LRRK1: variants seen among roughly 807,000 people sequenced by gnomAD.
The protein encoded by LRRK1 is leucine-rich repeat serine/threonine-protein kinase 1.
Under a neutral mutation model 209.1 loss-of-function variants are expected in LRRK1, and 113 were observed. The ratio of observed to expected loss-of-function variants is 0.54; its 90% CI spans 0.46 to 0.63. The LOEUF is 0.63. Ranked by LOEUF, LRRK1 falls within the 30% of genes least tolerant of loss-of-function variation. The pLI, the probability that LRRK1 is intolerant of heterozygous loss-of-function variation, is 0.00. For synonymous variants in LRRK1, 1,144 were observed against 1,099.7 expected (o/e 1.04, Z -0.80); for missense variants, 2,284 against 2,632.2 (o/e 0.87, Z 2.89).
chr15:101,058,353 G>A (rs1369133939), intron 29 of LRRK1, among the ~76,000 whole-genome samples: 1 of 152,076 alleles, frequency 6.6e-6, no homozygotes, highest in Non-Finnish European at 1.5e-5. Context: ...GTTAAGAGAT[G>A]CCAAAAATGG....
intron 10 of LRRK1, among the ~76,000 whole-genome samples, chr15:101,012,712 C>A (rs1025974539): frequency 6.6e-6 from 1 of 152,180 alleles, no homozygotes. Context: ...CACGGGCACT[C>A]CTCCAAGGCC....
Position 100,948,680 on chromosome 15 carries a change from G to C in LRRK1, c.97+23951G>C, listed in dbSNP as rs922092400. The stretch of plus-strand genomic sequence containing the variant: ...ATGGAAATCATACAAAATATATTCG[G>C]TGACCACAATAGAAAGAAGTTAGAA... On this transcript the variant is annotated intron_variant, in intron 2 of 33. Coordinates refer to ENST00000388948, the MANE Select transcript of LRRK1 (RefSeq NM_024652.6). Among the ~76,000 whole-genome samples, 3 of 152,114 alleles carry C rather than the reference G, an allele frequency of 2.0e-5. No individual in the cohort carries two copies. In the East Asian group the frequency reaches 5.8e-4, roughly 29 times the overall value.
chr15:100,996,839 G>A (rs2032440716), intron 6 of LRRK1, among the ~76,000 whole-genome samples: 1 of 152,170 alleles, frequency 6.6e-6, no homozygotes, highest in African/African-American at 2.4e-5. Context: ...AAATGATTAA[G>A]CTAGACAGGC....
chr15:101,016,320 G>A (rs183972032), intron 12 of LRRK1, among the ~76,000 whole-genome samples: 295 of 149,282 alleles, frequency 2.0e-3, no homozygotes, highest in Non-Finnish European at 3.6e-3. Flanking sequence ...CAGGATGCCA[G>A]GAAGAAGGCC....
At chr15:100,959,129 T>C (rs1297176593) in intron 2 of LRRK1, among the ~76,000 whole-genome samples, 1 of 152,182 alleles carries the variant, frequency 6.6e-6, no homozygotes, top group Non-Finnish European at 1.5e-5. Context: ...TAGAAGTGCC[T>C]GAAGGCATCA....
intron 20 of LRRK1, among the ~76,000 whole-genome samples, chr15:101,030,724 T>A (rs2034243091): frequency 1.3e-5 from 2 of 152,200 alleles, no homozygotes; most frequent in Non-Finnish European, 2.9e-5. Flanking sequence ...CTTTCCTCCT[T>A]GTGACACCCA....
In LRRK1 at chr15:101,048,653, C is replaced by A; in HGVS notation, c.3295C>A (p.Leu1099Ile). ...CCTGGTCACTTTTGATGGGGGCTAC[C>A]TCAGGTAGGAACACCTGGAAGCCCA... ...GLLVTFDGGY[L>I]SVESSDVNWK... Residue 1099 changes from leucine (L) to isoleucine (I), a missense_variant, in exon 22 of 34, where the codon CTC becomes ATC. Leu to Ile is a conservative substitution (Grantham distance 5). This residue lies in a region of LRRK1 where 780 missense variants were observed against 985.2 expected (regional missense o/e 0.79). Coordinates refer to ENST00000388948, the MANE Select transcript of LRRK1 (RefSeq NM_024652.6). The A allele has an allele frequency of 2.0e-6, 3 of 1,512,728 alleles. No individual in the cohort carries two copies. Among genetic ancestry groups the A allele is most frequent in the Non-Finnish European group, 2.6e-6 (3 of 1,138,034 alleles). 93.7% of individuals were successfully genotyped at this position (1,512,728 alleles called of 1,614,324 possible).
rs186002357 is a variant in LRRK1 at position 101,026,338 on chromosome 15, G to A, written c.2405+201G>A. On this transcript the variant is annotated intron_variant, in intron 17 of 33. Coordinates refer to ENST00000388948, the MANE Select transcript of LRRK1 (RefSeq NM_024652.6). Reference sequence around the variant, plus strand: ...GGCTGGCTGGTTGAGGCCTGGAGGTGCCCCTCTTTGCTTCCTTTCTGCCCC... The same window carrying A: ...GGCTGGCTGGTTGAGGCCTGGAGGTACCCCTCTTTGCTTCCTTTCTGCCCC... 7.2e-5 allele frequency among the ~76,000 whole-genome samples: 11 copies of A among 152,372 alleles called. No homozygotes were observed. In the East Asian group the frequency reaches 7.7e-4, roughly 11 times the overall value.
At chr15:100,988,204 T>C (rs1013589501) in intron 4 of LRRK1, among the ~76,000 whole-genome samples, 2 of 152,220 alleles carry the variant, frequency 1.3e-5, no homozygotes, top group African/African-American at 4.8e-5. Flanking sequence ...GTGGGTAAAC[T>C]GCATGTTGCC....
chr15:100,989,184 C>T, intron 5 of LRRK1, 66 bp from the exon 6 acceptor site: 1 of 1,373,196 alleles, frequency 7.3e-7, no homozygotes, highest in Non-Finnish European at 1.0e-6. Context: ...ATATCAGAGT[C>T]TGCCCTTCCA....
chr15:100,990,004 T>A (rs1189500092), intron 6 of LRRK1, among the ~76,000 whole-genome samples: 1 of 152,052 alleles, frequency 6.6e-6, no homozygotes, highest in East Asian at 1.9e-4. Flanking sequence ...CAATTGAGAG[T>A]GGTAATCAAA....
chr15:101,061,128 C>T lies in LRRK1; in HGVS notation c.4680-43C>T, dbSNP rs200252423. The T allele has an allele frequency of 6.4e-5, 95 of 1,487,982 alleles. No individual in the cohort carries two copies. In the African/African-American group the frequency reaches 1.2e-3, roughly 19 times the overall value. The allele number at this position is 1,487,982 out of a possible 1,614,324, so 92.2% of individuals were successfully genotyped here. A position where few individuals can be genotyped will look rare whatever the true frequency, so the allele number is the denominator to read the frequency against. On this transcript the variant is annotated intron_variant, in intron 29 of 33. Transcript: ENST00000388948. ...CCAGGCTCAGGGAAAGGAGGCAGCC[C>T]CTGGCCCCCGGGCACTGACAGCACA... is the stretch of plus-strand genomic sequence containing the variant.
intron 13 of LRRK1, chr15:101,021,625 T>A (rs564864037): frequency 1.1e-4 from 62 of 552,192 alleles, no homozygotes; most frequent in African/African-American, 1.1e-3. Context: ...GGGGACTCAA[T>A]TCTAAGCCGT....
chr15:101,049,288 C>T, intron 22 of LRRK1: 1 of 207,200 alleles, frequency 4.8e-6, no homozygotes, highest in Non-Finnish European at 9.5e-6. Context: ...TTGGCACCTG[C>T]CTCTTCCGCA....
At chr15:100,979,079 G>T (rs1268503499) in intron 3 of LRRK1, among the ~76,000 whole-genome samples, 2 of 152,148 alleles carry the variant, frequency 1.3e-5, no homozygotes, top group African/African-American at 4.8e-5. Flanking sequence ...ATGCAAAGTT[G>T]CTTCAGTTTC....
At chr15:100,954,627 A>G in intron 2 of LRRK1, among the ~76,000 whole-genome samples, 1 of 152,038 alleles carries the variant, frequency 6.6e-6, no homozygotes, top group East Asian at 1.9e-4. Flanking sequence ...TTACTGTTTC[A>G]TATGTTTTAA....
intron 2 of LRRK1, among the ~76,000 whole-genome samples, chr15:100,934,866 A>T (rs2141601932): frequency 6.6e-6 from 1 of 151,914 alleles, no homozygotes; most frequent in South Asian, 2.1e-4. Context: ...ATGAAGCATT[A>T]GAGTAAGATC....
At chr15:100,924,825 C>A in intron 2 of LRRK1, 96 bp downstream of exon 2, 2 of 796,618 alleles carry the variant, frequency 2.5e-6, no homozygotes, top group Non-Finnish European at 4.2e-6. Flanking sequence ...AGTTCTCAAC[C>A]AGTGGAAATC....
rs933770776 is a variant in LRRK1 at position 101,072,796 on chromosome 15, A to G, written c.*3948A>G. 2 of 152,236 alleles carry G rather than the reference A, an allele frequency of 1.3e-5. No homozygotes were observed. The highest frequency in any genetic ancestry group is 2.4e-5 in the African/African-American group (1 of 41,402). The allele number at this position is 152,236 out of a possible 1,614,324, so 9.4% of individuals were successfully genotyped here. ...TTCCTTTACCTACCCAAATCTTATA[A>G]AACGGCCTCACGCCTATCTCCCTTC... On this transcript the variant is annotated 3_prime_UTR_variant, in exon 34 of 34. Transcript: ENST00000388948.
Sources: allele counts gnomAD v4.1 joint callset (sites outside exome capture counted in the v4.1 genomes callset), GRCh38; gene constraint gnomAD v4.1.1; regional missense constraint gnomAD v4.1.1; transcripts MANE v1.5; gene names NCBI Gene and HGNC (gene_info 2026-07-23, HGNC 2026-07-21).